The following DGKB variants were observed in gnomAD, a reference collection of about 807,000 sequenced individuals.
DGKB encodes the protein 90 kDa diacylglycerol kinase.
Under a neutral mutation model 114.3 loss-of-function variants are expected in DGKB, and 67 were observed. That is an observed-to-expected ratio of 0.59 (90% CI 0.48 to 0.72). The LOEUF (loss-of-function observed/expected upper bound fraction) is 0.72, where lower values mean the gene tolerates loss of function less well. DGKB is among the 30% of genes least tolerant of loss of function. The probability of loss-of-function intolerance (pLI) is 0.00; values close to 1 mark genes in which losing one functional copy is unlikely to be tolerated. For missense variants in DGKB, 907 were observed against 975.2 expected (o/e 0.93, Z 0.93); for synonymous variants, 398 against 323.1 (o/e 1.23, Z -2.49).
chr7:14,657,903 A>G (rs1461889226), intron 13 of DGKB, among the ~76,000 whole-genome samples: 1 of 151,966 alleles, frequency 6.6e-6, no homozygotes, highest in Non-Finnish European at 1.5e-5. Context: ...GAAAGTTTCC[A>G]TACTACTGGA....
intron 21 of DGKB, among the ~76,000 whole-genome samples, chr7:14,428,757 T>C (rs561838821): frequency 6.6e-6 from 1 of 152,180 alleles, no homozygotes; most frequent in South Asian, 2.1e-4. Flanking sequence ...TTGCATTACA[T>C]TGTATACCCC....
intron 1 of DGKB, among the ~76,000 whole-genome samples, chr7:14,889,368 G>A (rs1220893211): frequency 6.6e-6 from 1 of 151,644 alleles, no homozygotes; most frequent in East Asian, 1.9e-4. Flanking sequence ...GTTGTGTCAG[G>A]ACTAAAGGGC....
At chr7:14,726,109 T>C (rs1038963765) in intron 5 of DGKB, among the ~76,000 whole-genome samples, 4 of 152,032 alleles carry the variant, frequency 2.6e-5, no homozygotes, top group African/African-American at 9.7e-5. Context: ...GCAGTCTGAA[T>C]TGGAGTTTTA....
At chr7:14,365,079 A>G (rs1406037298) in intron 21 of DGKB, among the ~76,000 whole-genome samples, 2 of 151,650 alleles carry the variant, frequency 1.3e-5, no homozygotes, top group Non-Finnish European at 2.9e-5. Context: ...GTCCTCCTAG[A>G]TAGTCAACAT....
chr7:14,274,317 G>A (rs900956691), intron 23 of DGKB, among the ~76,000 whole-genome samples: 6 of 151,864 alleles, frequency 4.0e-5, no homozygotes, highest in Non-Finnish European at 5.9e-5. Context: ...TTTTTCTCTC[G>A]GCAACGACTA....
At chr7:14,511,851 G>A (rs1262473149) in intron 20 of DGKB, among the ~76,000 whole-genome samples, 3 of 152,064 alleles carry the variant, frequency 2.0e-5, no homozygotes, top group Admixed American at 6.5e-5. Context: ...GGCCCGAGAA[G>A]AAGGCGAAAC....
At chr7:14,701,842 T>C (rs905031909) in intron 6 of DGKB, 112 bp from the exon 7 acceptor site, 4 of 692,800 alleles carry the variant, frequency 5.8e-6, no homozygotes, top group East Asian at 2.7e-5. Context: ...TAAATTCCTC[T>C]CCTGCTCCAA....
At chr7:14,253,235 A>G (rs2128395362) in intron 23 of DGKB, among the ~76,000 whole-genome samples, 1 of 152,110 alleles carries the variant, frequency 6.6e-6, no homozygotes, top group East Asian at 1.9e-4. Flanking sequence ...GGGTTTCACC[A>G]TATTGGCCAG....
intron 23 of DGKB, among the ~76,000 whole-genome samples, chr7:14,308,833 T>C (rs1210513216): frequency 2.0e-5 from 3 of 152,210 alleles, no homozygotes; most frequent in Non-Finnish European, 4.4e-5. Context: ...GACACATTTT[T>C]TTCAGTTCCA....
chr7:14,412,733 G>C (rs10242702), intron 21 of DGKB, among the ~76,000 whole-genome samples: 1,839 of 152,250 alleles, frequency 0.012, 31 homozygotes, highest in African/African-American at 0.041. Context: ...TGTAATCCCA[G>C]AACTTTGAGA....
chr7:14,833,890 A>T (rs867544948), intron 2 of DGKB, among the ~76,000 whole-genome samples: 3 of 152,278 alleles, frequency 2.0e-5, no homozygotes, highest in South Asian at 4.1e-4. Context: ...CCATATGCGC[A>T]GAGTTAAAAT....
chr7:14,579,301 C>A (rs1233495715), intron 19 of DGKB, among the ~76,000 whole-genome samples: 1 of 152,138 alleles, frequency 6.6e-6, no homozygotes, highest in African/African-American at 2.4e-5. Context: ...CTAATAGATT[C>A]TTTGACACAT....
At chr7:14,239,944 G>GA (rs1177882914) in intron 23 of DGKB, among the ~76,000 whole-genome samples, 1 of 151,766 alleles carries the variant, frequency 6.6e-6, no homozygotes, top group Non-Finnish European at 1.5e-5. Context: ...ATCCTTAAAG[G>GA]AATATACTTT....
intron 1 of DGKB, among the ~76,000 whole-genome samples, chr7:14,910,266 G>T (rs373031884): frequency 1.1e-5 from 1 of 91,792 alleles, no homozygotes; most frequent in African/African-American, 4.5e-5. Context: ...AAGAAAGAAA[G>T]AAAGAAAGAA....
intron 20 of DGKB, among the ~76,000 whole-genome samples, chr7:14,511,743 G>C (rs1341330136): frequency 1.3e-5 from 2 of 152,172 alleles, no homozygotes; most frequent in Non-Finnish European, 2.9e-5. Context: ...TTGATAGAAA[G>C]TGACAGATAT....
At chr7:14,883,200 G>T (rs1164593572) in intron 1 of DGKB, among the ~76,000 whole-genome samples, 1 of 151,798 alleles carries the variant, frequency 6.6e-6, no homozygotes, top group Admixed American at 6.6e-5. Flanking sequence ...GCCTAACTTA[G>T]ATTTGTAATT....
rs557506460 is a variant in DGKB at position 14,456,922 on chromosome 7, A to G, written c.1835+21239T>C. 5.9e-5 allele frequency among the ~76,000 whole-genome samples: 9 copies of G among 152,234 alleles called. No individual in the cohort carries two copies. In the East Asian group the frequency reaches 1.5e-3, roughly 26 times the overall value. ...AATCATCATCTTTGTTATAAGCTTT[A>G]CAGAATGAAGAAAAGAGATAGGACC... On this transcript the variant is annotated intron_variant, in intron 21 of 25. Coordinates refer to ENST00000402815, the MANE Select transcript of DGKB (RefSeq NM_001350709.2).
At chr7:14,939,897 G>T (rs919891584) in intron 1 of DGKB, among the ~76,000 whole-genome samples, 14 of 152,178 alleles carry the variant, frequency 9.2e-5, no homozygotes, top group Non-Finnish European at 1.6e-4. Context: ...ACAGGCGTGA[G>T]CCACCACACC....
intron 4 of DGKB, among the ~76,000 whole-genome samples, chr7:14,745,924 T>C (rs892343437): frequency 6.6e-6 from 1 of 152,220 alleles, no homozygotes; most frequent in Non-Finnish European, 1.5e-5. Context: ...TGACTCTTCT[T>C]TTTTCAGCAT....
Sources: gnomAD v4.1 joint callset for allele counts (sites outside exome capture counted in the v4.1 genomes callset) on GRCh38, gnomAD v4.1.1 for gene constraint, MANE v1.5 for transcripts, NCBI Gene and HGNC (gene_info 2026-07-23, HGNC 2026-07-21) for gene names.